Variants in CDH13 observed in about 807,000 individuals in gnomAD.
CDH13 encodes cadherin-13.
Under a neutral mutation model 63.8 loss-of-function variants are expected in CDH13, and 24 were observed. That is an observed-to-expected ratio of 0.38 (90% confidence interval 0.27 to 0.53). CDH13 has a LOEUF of 0.53. Ranked by LOEUF, CDH13 falls within the 20% of genes least tolerant of loss-of-function variation. The probability of loss-of-function intolerance (pLI) is 0.85; values close to 1 mark genes in which losing one functional copy is unlikely to be tolerated. For missense variants in CDH13, 1,049 were observed against 903.1 expected (o/e 1.16, Z -2.07); for synonymous variants, 503 against 355.3 (o/e 1.42, Z -4.67).
chr16:83,604,726 G>A (rs902181006), intron 8 of CDH13, among the ~76,000 whole-genome samples: 1 of 152,086 alleles, frequency 6.6e-6, no homozygotes, highest in Non-Finnish European at 1.5e-5. Context: ...AAAACTCAGA[G>A]CACATTGTAA....
intron 2 of CDH13, among the ~76,000 whole-genome samples, chr16:82,913,673 G>A (rs548784112): frequency 9.0e-4 from 137 of 152,286 alleles, no homozygotes; most frequent in Non-Finnish European, 1.4e-3. Context: ...ACAGAGTAAG[G>A]AGTGCATGGG....
chr16:82,948,236 T>A (rs1457422980), intron 2 of CDH13, among the ~76,000 whole-genome samples: 1 of 152,144 alleles, frequency 6.6e-6, no homozygotes, highest in African/African-American at 2.4e-5. Context: ...GCTTTCTAAA[T>A]TTTTAAGCCA....
intron 5 of CDH13, among the ~76,000 whole-genome samples, chr16:83,272,361 A>C (rs1184824889): frequency 6.6e-6 from 1 of 152,246 alleles, no homozygotes; most frequent in Admixed American, 6.5e-5. Flanking sequence ...ATCCCTGAGT[A>C]ATGTGAGACT....
intron 6 of CDH13, among the ~76,000 whole-genome samples, chr16:83,400,250 C>G (rs1306446263): frequency 6.6e-6 from 1 of 152,058 alleles, no homozygotes; most frequent in African/African-American, 2.4e-5. Flanking sequence ...GTCTATGTGG[C>G]TGCCCTTTCT....
chr16:82,711,682 A>G (rs952228992), intron 1 of CDH13, among the ~76,000 whole-genome samples: 1 of 152,188 alleles, frequency 6.6e-6, no homozygotes, highest in South Asian at 2.1e-4. Flanking sequence ...GATCCAGCGT[A>G]TAGTCACTTG....
chr16:83,023,364 A>G (rs1915521630), intron 2 of CDH13, among the ~76,000 whole-genome samples: 1 of 151,694 alleles, frequency 6.6e-6, no homozygotes, highest in Non-Finnish European at 1.5e-5. Context: ...GATGTTATGC[A>G]ATTTATTCCA....
At chr16:82,820,718 C>T (rs961922338) in intron 1 of CDH13, among the ~76,000 whole-genome samples, 3 of 152,206 alleles carry the variant, frequency 2.0e-5, no homozygotes, top group East Asian at 3.8e-4. Context: ...ATGTGAGACT[C>T]ACACTATAAC....
chr16:83,344,628 A>G (rs1014612978), intron 5 of CDH13, among the ~76,000 whole-genome samples: 1 of 152,138 alleles, frequency 6.6e-6, no homozygotes, highest in Non-Finnish European at 1.5e-5. Flanking sequence ...TGCCGATTTG[A>G]TGAATTAATT....
intron 5 of CDH13, among the ~76,000 whole-genome samples, chr16:83,294,103 T>C (rs2089530164): frequency 1.3e-5 from 2 of 151,978 alleles, no homozygotes; most frequent in South Asian, 4.2e-4. Context: ...ATTTTTTCCT[T>C]TCTTTTCTAA....
At chr16:82,851,450 A>G (rs1467498599) in intron 1 of CDH13, among the ~76,000 whole-genome samples, 1 of 40,254 alleles carries the variant, frequency 2.5e-5, no homozygotes, top group Non-Finnish European at 7.6e-5. Flanking sequence ...AAAAATAAAA[A>G]GAAAAAGAAA....
At chr16:83,462,046 G>A (rs1326110850) in intron 6 of CDH13, among the ~76,000 whole-genome samples, 1 of 152,212 alleles carries the variant, frequency 6.6e-6, no homozygotes, top group Admixed American at 6.5e-5. Flanking sequence ...GTCTATAAGA[G>A]TAACCCAAGA....
intron 1 of CDH13, among the ~76,000 whole-genome samples, chr16:82,742,532 T>C (rs1372829227): frequency 2.0e-5 from 3 of 152,170 alleles, no homozygotes; most frequent in Non-Finnish European, 2.9e-5. Flanking sequence ...TATCTTTAGA[T>C]TGGGTTCCAT....
chr16:83,663,565 A>G (rs1392995724), intron 8 of CDH13, among the ~76,000 whole-genome samples: 2 of 152,168 alleles, frequency 1.3e-5, no homozygotes, highest in African/African-American at 4.8e-5. Flanking sequence ...GTTAGTGTCT[A>G]CTTACAGTGC....
intron 6 of CDH13, among the ~76,000 whole-genome samples, chr16:83,466,104 C>A (rs2073307971): frequency 1.3e-5 from 2 of 152,216 alleles, no homozygotes; most frequent in Admixed American, 1.3e-4. Context: ...CAAGCAGCCC[C>A]TGCAGTAGCC....
intron 6 of CDH13, among the ~76,000 whole-genome samples, chr16:83,436,275 C>A (rs1567671484): frequency 6.6e-6 from 1 of 152,192 alleles, no homozygotes; most frequent in African/African-American, 2.4e-5. Flanking sequence ...AATTTCGCTA[C>A]ATATGTTTCT....
At chr16:82,933,796 A>G (rs1249887481) in intron 2 of CDH13, among the ~76,000 whole-genome samples, 1 of 152,246 alleles carries the variant, frequency 6.6e-6, no homozygotes, top group Non-Finnish European at 1.5e-5. Flanking sequence ...CTGAAATCCA[A>G]CAAGGCAGTA....
chr16:83,309,509 T>C, intron 5 of CDH13, among the ~76,000 whole-genome samples: 1 of 152,142 alleles, frequency 6.6e-6, no homozygotes, highest in Non-Finnish European at 1.5e-5. Context: ...CCTGAGGAGG[T>C]GGGATTACAG....
At chr16:83,447,096 C>CTTTTTTTTTGTTTTTTTTTTTTTT (rs2072721779) in intron 6 of CDH13, among the ~76,000 whole-genome samples, 1 of 41,526 alleles carries the variant, frequency 2.4e-5, no homozygotes, top group Non-Finnish European at 4.7e-5. Flanking sequence ...TTATAGTAAC[C>CTTTTTTTTTGTTTTTTTTTTTTTT]TTTTTTTTTT....
Position 82,805,849 on chromosome 16 carries a change from C to T in CDH13, c.46-52513C>T, listed in dbSNP as rs377439576. Among the ~76,000 whole-genome samples, 18 of 152,212 alleles carry T rather than the reference C, an allele frequency of 1.2e-4. No homozygotes were observed. The South Asian group carries it at 1.9e-3, about 16-fold the overall frequency. On this transcript the variant is annotated intron_variant, in intron 1 of 13. Transcript: ENST00000567109. ...GGATGTGTGTGAAGGTATGAATCTC[C>T]GGTTGACGAACTCTAGTGTGCAAAT...
Sources: allele counts gnomAD v4.1 joint callset (sites outside exome capture counted in the v4.1 genomes callset), GRCh38; gene constraint gnomAD v4.1.1; transcripts MANE v1.5; gene names NCBI Gene and HGNC (gene_info 2026-07-23, HGNC 2026-07-21).